CEP85L: variants seen among roughly 807,000 people sequenced by gnomAD.
The protein encoded by CEP85L is centrosomal protein 85L.
A neutral mutation model predicts 100.3 loss-of-function variants in CEP85L; 60 were observed. The observed-to-expected ratio is 0.60, with a 90% CI of 0.49 to 0.74. The LOEUF (loss-of-function observed/expected upper bound fraction) is 0.74, where lower values mean the gene tolerates loss of function less well. CEP85L is among the 30% of genes least tolerant of loss of function. The pLI is 0.00. For synonymous variants in CEP85L, 319 were observed against 322.7 expected (o/e 0.99, Z 0.12); for missense variants, 973 against 936.2 (o/e 1.04, Z -0.51).
chr6:118,570,737 C>T (rs1249436542), intron 2 of CEP85L, among the ~76,000 whole-genome samples: 1 of 152,150 alleles, frequency 6.6e-6, no homozygotes, highest in Non-Finnish European at 1.5e-5. Context: ...GCTTCATTTA[C>T]TATAACATCA....
At chr6:118,514,485 A>G (rs752683155) in intron 4 of CEP85L, among the ~76,000 whole-genome samples, 24 of 144,860 alleles carry the variant, frequency 1.7e-4, no homozygotes, top group Non-Finnish European at 3.1e-4. Context: ...AGATCGTGCC[A>G]TTGCACTTCA....
intron 3 of CEP85L, among the ~76,000 whole-genome samples, chr6:118,552,834 C>T (rs1317242938): frequency 6.6e-6 from 1 of 151,976 alleles, no homozygotes; most frequent in Non-Finnish European, 1.5e-5. Context: ...ACTTTCCTGC[C>T]TCTGACATGT....
chr6:118,594,862 AAAAAC>A (rs1167473557), intron 2 of CEP85L, among the ~76,000 whole-genome samples: 9 of 147,102 alleles, frequency 6.1e-5, no homozygotes, highest in Non-Finnish European at 1.0e-4. Flanking sequence ...TCAAAAAAAA[AAAAAC>A]AAACAAAACA....
intron 3 of CEP85L, among the ~76,000 whole-genome samples, chr6:118,534,995 C>T (rs565199817): frequency 6.6e-6 from 1 of 152,260 alleles, no homozygotes; most frequent in African/African-American, 2.4e-5. Context: ...AGCCACTGCA[C>T]TCCAGCCTGG....
intron 7 of CEP85L, 43 bp downstream of exon 7, chr6:118,483,663 T>C: frequency 6.4e-7 from 1 of 1,563,496 alleles, no homozygotes; most frequent in Non-Finnish European, 8.7e-7. Flanking sequence ...CAAGTTAACA[T>C]GTTTTCATGT....
chr6:118,699,520 C>T (rs1476620750), intron 1 of CEP85L, among the ~76,000 whole-genome samples: 6 of 151,726 alleles, frequency 4.0e-5, no homozygotes, highest in Non-Finnish European at 7.4e-5. Context: ...GCTACAGCCA[C>T]TAATCCTGGA....
At chr6:118,659,208 A>C (rs1775891519) in intron 1 of CEP85L, among the ~76,000 whole-genome samples, 1 of 152,226 alleles carries the variant, frequency 6.6e-6, no homozygotes, top group Non-Finnish European at 1.5e-5. Context: ...ACAAGTGCTC[A>C]CACGGAATAT....
At chr6:118,603,850 G>A (rs1043658744) in intron 2 of CEP85L, among the ~76,000 whole-genome samples, 1 of 152,140 alleles carries the variant, frequency 6.6e-6, no homozygotes, top group Non-Finnish European at 1.5e-5. Context: ...TTCTAAAGAG[G>A]ACTAAAACAA....
At chr6:118,547,226 A>T (rs1287781749) in intron 3 of CEP85L, among the ~76,000 whole-genome samples, 1 of 152,104 alleles carries the variant, frequency 6.6e-6, no homozygotes, top group East Asian at 1.9e-4. Context: ...AATTAGATAA[A>T]CAGAGAAGAG....
At chr6:118,514,741 A>T (rs969750255) in intron 4 of CEP85L, among the ~76,000 whole-genome samples, 24 of 152,100 alleles carry the variant, frequency 1.6e-4, no homozygotes, top group Admixed American at 3.3e-4. Flanking sequence ...AAAGAGGAAA[A>T]CCTGTGCTAA....
At chr6:118,536,482 A>G (rs1247163813) in intron 3 of CEP85L, among the ~76,000 whole-genome samples, 2 of 152,196 alleles carry the variant, frequency 1.3e-5, no homozygotes, top group Non-Finnish European at 2.9e-5. Flanking sequence ...CAAAAAATAT[A>G]ATACAGGAAA....
chr6:118,701,460 C>T (rs1328390507), intron 1 of CEP85L, among the ~76,000 whole-genome samples: 2 of 152,162 alleles, frequency 1.3e-5, no homozygotes, highest in African/African-American at 2.4e-5. Flanking sequence ...AGAACAAGTT[C>T]GTGTCCTTTG....
chr6:118,624,631 A>G (rs552533625), intron 2 of CEP85L, among the ~76,000 whole-genome samples: 1 of 152,298 alleles, frequency 6.6e-6, no homozygotes, highest in East Asian at 1.9e-4. Flanking sequence ...ACCCACACCT[A>G]TATGAGAAAG....
intron 1 of CEP85L, chr6:118,647,074 C>T (rs1443177426): frequency 1.5e-5 from 15 of 985,106 alleles, no homozygotes; most frequent in African/African-American, 5.2e-5. Context: ...TGGGTTTAGG[C>T]CAGAGTTATG....
chr6:118,495,265 T>C (rs1774844112), intron 5 of CEP85L, among the ~76,000 whole-genome samples: 1 of 152,118 alleles, frequency 6.6e-6, no homozygotes, highest in South Asian at 2.1e-4. Flanking sequence ...TGTGAGAACA[T>C]GAAATTTGGG....
intron 1 of CEP85L, among the ~76,000 whole-genome samples, chr6:118,676,470 A>G (rs976297174): frequency 2.0e-5 from 3 of 152,182 alleles, no homozygotes; most frequent in African/African-American, 7.2e-5. Context: ...TATTTTACTT[A>G]GCATAATGTC....
rs1479969290 is a variant in CEP85L at position 118,481,883 on chromosome 6, A to G, written c.1641T>C (p.Asp547=). 2.5e-6 allele frequency: 4 copies of G among 1,589,820 alleles called. No homozygotes were observed. The highest frequency in any genetic ancestry group is 3.4e-6 in the Non-Finnish European group (4 of 1,166,158). The part of the protein sequence containing the change: ...KNKNLQEALI[D]TEKKLEEIKK... ...TGATCTCTTCAAGTTTTTTTTCTGT[A>G]TCTATCAAAGCCTCTTGTAAATTCT... Residue 547 remains aspartate (D), a synonymous_variant, in exon 8 of 13, where the codon GAT becomes GAC. Transcript: ENST00000368491.
intron 3 of CEP85L, among the ~76,000 whole-genome samples, chr6:118,536,301 T>A (rs1005367296): frequency 2.0e-5 from 3 of 152,102 alleles, no homozygotes; most frequent in African/African-American, 7.2e-5. Flanking sequence ...GGATATAAGG[T>A]GTCACCATAA....
intron 1 of CEP85L, among the ~76,000 whole-genome samples, chr6:118,699,794 A>C (rs1777351537): frequency 6.6e-6 from 1 of 152,128 alleles, no homozygotes; most frequent in Non-Finnish European, 1.5e-5. Context: ...TCCTGGGTTC[A>C]AGTGATTCTT....
Sources: allele counts gnomAD v4.1 joint callset (sites outside exome capture counted in the v4.1 genomes callset), GRCh38; gene constraint gnomAD v4.1.1; transcripts MANE v1.5; gene names NCBI Gene and HGNC (gene_info 2026-07-23, HGNC 2026-07-21).